Variants in SNAI3 observed in about 807,000 individuals in gnomAD.
SNAI3 encodes the protein snail family transcriptional repressor 3.
Under a neutral mutation model 16.4 loss-of-function variants are expected in SNAI3, and 21 were observed. That is an observed-to-expected ratio of 1.28 (90% CI 0.91 to 1.85). SNAI3 has a LOEUF of 1.85. Among genes scored for constraint, SNAI3 ranks in the 40% most tolerant of loss-of-function variants. SNAI3 has a pLI of 0.00. For missense variants in SNAI3, 457 were observed against 372.8 expected (o/e 1.23, Z -1.86); for synonymous variants, 202 against 166.6 (o/e 1.21, Z -1.64).
At chr16:88,686,091 TCTC>T (rs1391538095) in intron 1 of SNAI3, 2 of 542,692 alleles carry the variant, frequency 3.7e-6, no homozygotes, top group Non-Finnish European at 6.5e-6. Flanking sequence ...TTAGAAAACT[TCTC>T]CAAGTTGGGA....
At chr16:88,686,283 C>T (rs1475274519) in intron 1 of SNAI3, 48 bp downstream of exon 1, 5 of 1,598,088 alleles carry the variant, frequency 3.1e-6, no homozygotes, top group East Asian at 2.3e-5. Context: ...CTCTCCCGCC[C>T]CTCAGGGTCG....
intron 1 of SNAI3, among the ~76,000 whole-genome samples, chr16:88,683,081 AC>A (rs978629193): frequency 1.2e-4 from 11 of 92,430 alleles, no homozygotes; most frequent in African/African-American, 3.9e-4. Context: ...CTGGCCCCCC[AC>A]CCTTTTTTTT....
intron 2 of SNAI3, chr16:88,679,213 C>G: frequency 1.7e-6 from 1 of 596,724 alleles, no homozygotes; most frequent in Non-Finnish European, 2.1e-6. Context: ...TGGGCATGCT[C>G]CTGGCCAGGC....
At chr16:88,679,557 C>G (rs936154810) in intron 2 of SNAI3, among the ~76,000 whole-genome samples, 4 of 135,268 alleles carry the variant, frequency 3.0e-5, no homozygotes, top group South Asian at 2.5e-4. Context: ...GTCAGGAGAT[C>G]GAGACCATCC....
chr16:88,682,798 C>T (rs1415977195), intron 1 of SNAI3, among the ~76,000 whole-genome samples: 22 of 44,614 alleles, frequency 4.9e-4, no homozygotes, highest in African/African-American at 1.3e-3. Context: ...TTTTTAGAGA[C>T]GGAGTCTCGC....
chr16:88,680,638 G>T (rs142522352), intron 2 of SNAI3, among the ~76,000 whole-genome samples: 1 of 151,100 alleles, frequency 6.6e-6, no homozygotes, highest in Non-Finnish European at 1.5e-5. Context: ...TCACTCTGTT[G>T]CTCAGGCTGG....
At position 88,681,063 on chromosome 16, in the gene SNAI3, A is replaced by G; in HGVS notation, c.697+31T>C. Reference sequence around the variant, plus strand: ...AGCCCACCCTCTTCCCCCAGCCCAGACCGTCCTTGCAGACCTTCACCCTGT... The same window carrying G: ...AGCCCACCCTCTTCCCCCAGCCCAGGCCGTCCTTGCAGACCTTCACCCTGT... On this transcript the variant is annotated intron_variant, in intron 2 of 2. Coordinates refer to ENST00000332281, the MANE Select transcript of SNAI3 (RefSeq NM_178310.4). The surrounding 1 kb of genome is among the most constrained non-coding windows in gnomAD (Gnocchi z 5.4). The G allele has an allele frequency of 6.3e-7, 1 of 1,587,446 alleles. No individual in the cohort carries two copies. The highest frequency in any genetic ancestry group is 1.1e-5 in the South Asian group (1 of 90,250).
At position 88,681,385 on chromosome 16, in the gene SNAI3, G is replaced by A. The variant is rs1236283299; in HGVS notation, c.406C>T (p.Pro136Ser). 2 of 1,612,558 alleles carry A rather than the reference G, an allele frequency of 1.2e-6. No homozygotes were observed. Among genetic ancestry groups the A allele is most frequent in the Admixed American group, 1.7e-5 (1 of 60,000 alleles). Residue 136 changes from proline to serine, a missense_variant, in exon 2 of 3, where the codon CCG (proline) becomes TCG (serine). Physicochemically the swap from Pro to Ser is moderately conservative, Grantham distance 74. Coordinates refer to ENST00000332281, the MANE Select transcript of SNAI3 (RefSeq NM_178310.4). The surrounding 1 kb of genome is among the most constrained non-coding windows in gnomAD (Gnocchi z 5.4). ...CGCTCAGCCCCAAGCAGTTTTTCCG[G>A]AGCCCCGTGCCGGTCTGGGCCCAAG... is the stretch of plus-strand genomic sequence containing the variant. ...PTLGPDRHGA[P>S]EKLLGAERMP...
chr16:88,678,669 T>C (rs765734775), intron 2 of SNAI3, 40 bp from the exon 3 acceptor site: 2 of 1,536,958 alleles, frequency 1.3e-6, no homozygotes, highest in Admixed American at 1.7e-5. Context: ...CCATGGAAGA[T>C]GGAGTGAAGG....
chr16:88,680,589 TTTTTG>T (rs1187130294), intron 2 of SNAI3, among the ~76,000 whole-genome samples: 4 of 150,738 alleles, frequency 2.7e-5, no homozygotes, highest in Non-Finnish European at 5.9e-5. Context: ...CTGGTGGGTT[TTTTTG>T]TTTTGTTTTG....
At chr16:88,680,647 G>C (rs1909135301) in intron 2 of SNAI3, among the ~76,000 whole-genome samples, 1 of 152,026 alleles carries the variant, frequency 6.6e-6, no homozygotes, top group African/African-American at 2.4e-5. Flanking sequence ...TGCTCAGGCT[G>C]GAGTGCAGTG....
Position 88,678,363 on chromosome 16 carries a change from A to G in SNAI3, c.*85T>C. 1 of 628,300 alleles carries G rather than the reference A, an allele frequency of 1.6e-6. No individual in the cohort carries two copies. Among genetic ancestry groups the G allele is most frequent in the Non-Finnish European group, 2.9e-6 (1 of 347,868 alleles). The allele number at this position is 628,300 out of a possible 1,614,324, so 38.9% of individuals were successfully genotyped here. ...GTGTGAGGCCAGGCCCCGCCCTCCC[A>G]GACTCCTGGCTCCTCTGGGGGCAGG... is the stretch of plus-strand genomic sequence containing the variant. On this transcript the variant is annotated 3_prime_UTR_variant, in exon 3 of 3. Coordinates refer to ENST00000332281, the MANE Select transcript of SNAI3 (RefSeq NM_178310.4).
rs1395524418 is a variant in SNAI3 at position 88,681,368 on chromosome 16, C to T, written c.423G>A (p.Gly141=). The change falls in exon 2 of 3, where the codon GGG becomes GGA. Residue 141 remains glycine, a synonymous_variant. Coordinates refer to ENST00000332281, the MANE Select transcript of SNAI3 (RefSeq NM_178310.4). This position sits in a 1 kb window ranked among gnomAD's most constrained non-coding sequence, Gnocchi z 5.4. ...CCGGGGCTCGGGGCATCCGCTCAGC[C>T]CCAAGCAGTTTTTCCGGAGCCCCGT... ...DRHGAPEKLL[G]AERMPRAPGG... 1 of 1,612,704 alleles carries T rather than the reference C, an allele frequency of 6.2e-7. No homozygotes were observed. Among genetic ancestry groups the T allele is most frequent in the South Asian group, 1.1e-5 (1 of 91,050 alleles).
At chr16:88,680,642 A>C (rs974677105) in intron 2 of SNAI3, among the ~76,000 whole-genome samples, 1 of 151,968 alleles carries the variant, frequency 6.6e-6, no homozygotes, top group Non-Finnish European at 1.5e-5. Context: ...TCTGTTGCTC[A>C]GGCTGGAGTG....
chr16:88,680,957 A>T, intron 2 of SNAI3, 137 bp downstream of exon 2: 3 of 1,305,968 alleles, frequency 2.3e-6, no homozygotes, highest in Non-Finnish European at 3.1e-6. Context: ...CTTTGTACAG[A>T]TAAGTCAAAA....
Position 88,681,016 on chromosome 16 carries a change from C to G in SNAI3, c.697+78G>C. On this transcript the variant is annotated intron_variant, in intron 2 of 2. Coordinates refer to ENST00000332281, the MANE Select transcript of SNAI3 (RefSeq NM_178310.4). The surrounding 1 kb of genome is among the most constrained non-coding windows in gnomAD (Gnocchi z 5.4). ...CATGCTATTGTTTATAAAATCACCC[C>G]TCCTCCTTTTCTAACTCCCGCAGCC... The G allele has an allele frequency of 1.9e-6, 3 of 1,538,742 alleles. No homozygotes were observed. The highest frequency in any genetic ancestry group is 1.4e-5 in the African/African-American group (1 of 73,204).
At chr16:88,678,916 G>T in intron 2 of SNAI3, 13 of 985,404 alleles carry the variant, frequency 1.3e-5, no homozygotes, top group Non-Finnish European at 1.6e-5. Context: ...GCCTCTGGCA[G>T]CTGTTTCTGG....
Position 88,681,686 on chromosome 16 carries a change from C to G in SNAI3, c.105G>C (p.Gly35=). The G allele has an allele frequency of 6.8e-7, 1 of 1,467,406 alleles. No individual in the cohort carries two copies. The allele number at this position is 1,467,406 out of a possible 1,614,324, so 90.9% of individuals were successfully genotyped here. A position where few individuals can be genotyped will look rare whatever the true frequency, so the allele number is the denominator to read the frequency against. The part of the protein sequence containing the change: ...REINGACSAC[G]GLVVPLLPRD... Reference sequence around the variant, plus strand: ...GGGGGAGGAGGGGCACCACCAGCCCCCCACAGGCAGAGCAGGCACCATTGA... The same window carrying G: ...GGGGGAGGAGGGGCACCACCAGCCCGCCACAGGCAGAGCAGGCACCATTGA... Residue 35 remains glycine (G), a synonymous_variant, in exon 2 of 3, where the codon GGG becomes GGC. Transcript: ENST00000332281. This position sits in a 1 kb window ranked among gnomAD's most constrained non-coding sequence, Gnocchi z 5.4.
chr16:88,679,346 A>G (rs1442681894), intron 2 of SNAI3, among the ~76,000 whole-genome samples: 2 of 152,230 alleles, frequency 1.3e-5, no homozygotes, highest in African/African-American at 4.8e-5. Flanking sequence ...GAGAAAAACC[A>G]GAAAGGATTT....
Sources: allele counts gnomAD v4.1 joint callset (sites outside exome capture counted in the v4.1 genomes callset), GRCh38; gene constraint gnomAD v4.1.1; non-coding constraint Gnocchi (gnomAD v3.1); transcripts MANE v1.5; gene names NCBI Gene and HGNC (gene_info 2026-07-23, HGNC 2026-07-21).